Variants in CSMD1 observed in about 807,000 individuals in gnomAD.
CSMD1 encodes CUB and Sushi multiple domains 1, also known as CUB and sushi domain-containing protein 1.
In CSMD1, 213 loss-of-function variants were observed where a neutral mutation model predicts 417.5. That is an observed-to-expected ratio of 0.51 (90% confidence interval 0.46 to 0.57). The LOEUF (loss-of-function observed/expected upper bound fraction) is 0.57. CSMD1 is among the 20% of genes least tolerant of loss of function. CSMD1 has a pLI of 0.00. For synonymous variants in CSMD1, 2,862 were observed against 1,736.8 expected (o/e 1.65, Z -16.11); for missense variants, 6,923 against 4,529.7 (o/e 1.53, Z -15.17).
rs905889603 is a variant in CSMD1, at chr8:4,739,036, G to C, written c.86-101478C>G. Among the ~76,000 whole-genome samples the C allele has an allele frequency of 2.6e-5, 4 of 151,924 alleles. No homozygotes were observed. The East Asian group carries it at 7.7e-4, about 29-fold the overall frequency. On this transcript the variant is annotated intron_variant, in intron 1 of 69. Coordinates refer to ENST00000635120, the MANE Select transcript of CSMD1 (RefSeq NM_033225.6). ...ACAAGTTAAAAGTTAAAGGAATGTA[G>C]TGTGAGTAACTGATATATTCTTTTT... is the stretch of plus-strand genomic sequence containing the variant.
intron 3 of CSMD1, among the ~76,000 whole-genome samples, chr8:4,405,872 G>C (rs1046238582): frequency 2.0e-5 from 3 of 152,150 alleles, no homozygotes; most frequent in Admixed American, 6.5e-5. Flanking sequence ...CTTTAGAAAT[G>C]CATGTGGTTA....
chr8:3,505,329 G>A (rs10105613), intron 10 of CSMD1, among the ~76,000 whole-genome samples: 112,671 of 152,124 alleles, frequency 0.74, 42,243 homozygotes, highest in East Asian at 0.93. Flanking sequence ...CTTTGAAGGA[G>A]CAAAAGATGA....
intron 12 of CSMD1, among the ~76,000 whole-genome samples, chr8:3,449,441 G>A (rs1192058230): frequency 6.6e-6 from 1 of 151,994 alleles, no homozygotes; most frequent in African/African-American, 2.4e-5. Context: ...GGATGTCCTG[G>A]ACTCGGAAAG....
At chr8:3,646,525 A>G (rs1797579325) in intron 7 of CSMD1, among the ~76,000 whole-genome samples, 1 of 152,188 alleles carries the variant, frequency 6.6e-6, no homozygotes, top group Admixed American at 6.5e-5. Flanking sequence ...CATCTGTAGC[A>G]TTCCAAGGGA....
At chr8:4,554,771 G>C (rs994237788) in intron 2 of CSMD1, among the ~76,000 whole-genome samples, 9 of 152,186 alleles carry the variant, frequency 5.9e-5, no homozygotes, top group African/African-American at 2.2e-4. Context: ...TCATTGGCCA[G>C]GGAAACCCAT....
In CSMD1 at chr8:3,653,353, G is replaced by C. The variant is rs1409552734; in HGVS notation, c.1010-36556C>G. Reference sequence around the variant, plus strand: ...TTTTGAGATTCACTTTTGTTGTCCGGGCTGTACTGCAGAGGCATGATCTCG... The same window carrying C: ...TTTTGAGATTCACTTTTGTTGTCCGCGCTGTACTGCAGAGGCATGATCTCG... On this transcript the variant is annotated intron_variant, in intron 7 of 69. Transcript: ENST00000635120. Among the ~76,000 whole-genome samples the C allele has an allele frequency of 3.9e-5, 6 of 152,058 alleles. No individual in the cohort carries two copies. In the East Asian group the frequency reaches 9.6e-4, roughly 24 times the overall value.
chr8:4,212,137 C>G (rs1800348225), intron 3 of CSMD1, among the ~76,000 whole-genome samples: 1 of 150,488 alleles, frequency 6.6e-6, no homozygotes, highest in Non-Finnish European at 1.5e-5. Context: ...AAGAAGTGTC[C>G]TTTATTATGA....
intron 3 of CSMD1, among the ~76,000 whole-genome samples, chr8:4,164,190 A>G (rs1000691419): frequency 2.0e-5 from 2 of 101,718 alleles, no homozygotes; most frequent in African/African-American, 7.6e-5. Context: ...TTAATACAGG[A>G]TTTTTGGAAG....
At chr8:4,540,517 A>T (rs1563269805) in intron 2 of CSMD1, among the ~76,000 whole-genome samples, 2 of 152,184 alleles carry the variant, frequency 1.3e-5, no homozygotes, top group Admixed American at 6.5e-5. Context: ...CAGCCTGGGC[A>T]ACAGAGCGAG....
At chr8:3,670,938 T>TGTATATGGGATATATAC (rs1798987037) in intron 7 of CSMD1, among the ~76,000 whole-genome samples, 1 of 146,336 alleles carries the variant, frequency 6.8e-6, no homozygotes, top group African/African-American at 2.5e-5. Context: ...GGGATATATA[T>TGTATATGGGATATATAC]GTATGGGTAT....
chr8:3,842,226 T>C (rs1247617326), intron 5 of CSMD1, among the ~76,000 whole-genome samples: 2 of 152,160 alleles, frequency 1.3e-5, no homozygotes, highest in Non-Finnish European at 2.9e-5. Flanking sequence ...TGTAGAATCA[T>C]CTGCTTGTCC....
intron 5 of CSMD1, among the ~76,000 whole-genome samples, chr8:3,896,765 T>C (rs1027959183): frequency 1.3e-5 from 2 of 152,074 alleles, no homozygotes; most frequent in Non-Finnish European, 2.9e-5. Flanking sequence ...TTAAGAAATA[T>C]ACGTAAACAG....
chr8:3,299,050 T>C (rs1335151357), intron 25 of CSMD1, among the ~76,000 whole-genome samples: 1 of 152,160 alleles, frequency 6.6e-6, no homozygotes, highest in African/African-American at 2.4e-5. Flanking sequence ...AAAAATATGA[T>C]ACAACAAAAC....
intron 48 of CSMD1, among the ~76,000 whole-genome samples, chr8:3,090,032 G>A (rs184754383): frequency 2.6e-5 from 4 of 152,044 alleles, no homozygotes; most frequent in South Asian, 2.1e-4. Context: ...TCTGACTATC[G>A]GCCGGGCGCG....
At chr8:4,267,665 G>C (rs1414485796) in intron 3 of CSMD1, among the ~76,000 whole-genome samples, 1 of 151,908 alleles carries the variant, frequency 6.6e-6, no homozygotes, top group Non-Finnish European at 1.5e-5. Context: ...TTCGTGTTTA[G>C]GCTTTGGCTT....
intron 1 of CSMD1, among the ~76,000 whole-genome samples, chr8:4,903,750 G>C (rs1805054066): frequency 6.6e-6 from 1 of 152,166 alleles, no homozygotes; most frequent in South Asian, 2.1e-4. Flanking sequence ...CTCCACAATG[G>C]AAAGGTGAGA....
intron 1 of CSMD1, among the ~76,000 whole-genome samples, chr8:4,815,309 TC>T (rs1799141284): frequency 6.6e-6 from 1 of 152,230 alleles, no homozygotes; most frequent in East Asian, 1.9e-4. Context: ...TGCTCAGCCT[TC>T]TGAGTTAGGC....
intron 5 of CSMD1, among the ~76,000 whole-genome samples, chr8:3,855,854 T>G (rs907150399): frequency 4.6e-5 from 7 of 152,200 alleles, no homozygotes; most frequent in African/African-American, 1.7e-4. Context: ...TCAACTGCAT[T>G]TATTATGACA....
chr8:4,451,263 C>A (rs1179873684), intron 2 of CSMD1, among the ~76,000 whole-genome samples: 2 of 152,086 alleles, frequency 1.3e-5, no homozygotes, highest in Non-Finnish European at 2.9e-5. Context: ...CCCAGGAGGT[C>A]CAGGCGGCAG....
Sources: gnomAD v4.1 joint callset for allele counts (sites outside exome capture counted in the v4.1 genomes callset) on GRCh38, gnomAD v4.1.1 for gene constraint, MANE v1.5 for transcripts, NCBI Gene and HGNC (gene_info 2026-07-23, HGNC 2026-07-21) for gene names.